The following LIMA1 variants were observed in gnomAD, a reference collection of about 807,000 sequenced individuals.
The protein encoded by LIMA1 is LIM domain and actin-binding protein 1.
A neutral mutation model predicts 62.6 loss-of-function variants in LIMA1; 52 were observed. The observed-to-expected ratio is 0.83, with a 90% CI of 0.67 to 1.05. The LOEUF (loss-of-function observed/expected upper bound fraction) is 1.05. Ranked by LOEUF, LIMA1 falls within the 50% of genes least tolerant of loss-of-function variation. The pLI, the probability that LIMA1 is intolerant of heterozygous loss-of-function variation, is 0.00. For missense variants in LIMA1, 780 were observed against 902.2 expected (o/e 0.86, Z 1.74); for synonymous variants, 302 against 317.8 (o/e 0.95, Z 0.53).
intron 1 of LIMA1, among the ~76,000 whole-genome samples, chr12:50,267,845 G>A (rs1471825662): frequency 1.3e-5 from 2 of 151,888 alleles, no homozygotes; most frequent in Admixed American, 6.6e-5. Context: ...GGTGAAGAAT[G>A]AGGTCTCACT....
intron 9 of LIMA1, among the ~76,000 whole-genome samples, chr12:50,192,250 C>G (rs544039249): frequency 6.6e-6 from 1 of 152,076 alleles, no homozygotes; most frequent in Non-Finnish European, 1.5e-5. Context: ...CATTAGTGAG[C>G]CTTCTCGCTC....
chr12:50,246,332 G>A (rs1037862085), intron 2 of LIMA1, among the ~76,000 whole-genome samples: 1 of 152,058 alleles, frequency 6.6e-6, no homozygotes, highest in Non-Finnish European at 1.5e-5. Flanking sequence ...AAAGACAGGT[G>A]GGGCTAAGGA....
Position 50,222,385 on chromosome 12 carries a change from G to GA in LIMA1, c.265dup (p.Ser89PhefsTer8), listed in dbSNP as rs779090076. On this transcript the variant is annotated frameshift_variant, in exon 4 of 11. Transcript: ENST00000341247. LOFTEE classifies it high-confidence loss of function. ...AATCTCAGTGCTGCTGTTCCGTAGA[G>GA]AGTCTGTGTGAGACTCTGCTCCCAG... 1.2e-5 allele frequency: 19 copies of GA among 1,614,030 alleles called. No individual in the cohort carries two copies. Among genetic ancestry groups the GA allele is most frequent in the Non-Finnish European group, 1.6e-5 (19 of 1,180,026 alleles).
At chr12:50,223,597 T>G (rs1211373894) in intron 3 of LIMA1, among the ~76,000 whole-genome samples, 1 of 152,172 alleles carries the variant, frequency 6.6e-6, no homozygotes, top group Non-Finnish European at 1.5e-5. Context: ...ATCACTCAGA[T>G]GATCAAAGGA....
intron 4 of LIMA1, among the ~76,000 whole-genome samples, chr12:50,214,533 G>A (rs1373014756): frequency 1.3e-5 from 2 of 152,240 alleles, no homozygotes; most frequent in African/African-American, 4.8e-5. Flanking sequence ...ATTTGGCTGG[G>A]CGCAGTGGCT....
chr12:50,203,859 T>A (rs1252283157), intron 6 of LIMA1, among the ~76,000 whole-genome samples: 1 of 152,196 alleles, frequency 6.6e-6, no homozygotes, highest in Non-Finnish European at 1.5e-5. Context: ...CTCCTTCATA[T>A]GAAATTTCCA....
At chr12:50,221,886 ATTAAC>A in intron 4 of LIMA1, 130 bp downstream of exon 4, 1 of 696,624 alleles carries the variant, frequency 1.4e-6, no homozygotes, top group Non-Finnish European at 2.4e-6. Context: ...ATTTGAGACT[ATTAAC>A]TTATCTAACT....
chr12:50,230,421 T>C (rs1941592820), intron 3 of LIMA1, among the ~76,000 whole-genome samples: 1 of 151,966 alleles, frequency 6.6e-6, no homozygotes, highest in African/African-American at 2.4e-5. Flanking sequence ...GCTTGGCATG[T>C]AGTAGGTGCT....
chr12:50,263,853 GAGAGTA>G (rs1162518276), intron 1 of LIMA1, among the ~76,000 whole-genome samples: 9 of 99,634 alleles, frequency 9.0e-5, no homozygotes, highest in African/African-American at 2.0e-4. Context: ...TATATATATA[GAGAGTA>G]TATATATATA....
intron 8 of LIMA1, among the ~76,000 whole-genome samples, chr12:50,193,976 T>C (rs1434503601): frequency 8.9e-6 from 1 of 112,468 alleles, no homozygotes; most frequent in Admixed American, 1.0e-4. Context: ...AACATATATA[T>C]ACATATATAT....
rs1341490500 is a variant in LIMA1, at chr12:50,178,520, G to A, written c.1275-451C>T. ...TGAGATTGTGCCACTGTGATAGAGC[G>A]AGACTGTCTTAAAAAAAAAAAAAAA... is the stretch of plus-strand genomic sequence containing the variant. On this transcript the variant is annotated intron_variant, in intron 10 of 10. Coordinates refer to ENST00000341247, the MANE Select transcript of LIMA1 (RefSeq NM_016357.5). Among the ~76,000 whole-genome samples the A allele has an allele frequency of 2.0e-5, 3 of 148,264 alleles. No individual in the cohort carries two copies. In the Admixed American group the frequency reaches 2.0e-4, roughly 10 times the overall value.
chr12:50,276,763 G>C (rs1008203516), intron 1 of LIMA1, among the ~76,000 whole-genome samples: 1 of 152,032 alleles, frequency 6.6e-6, no homozygotes, highest in Non-Finnish European at 1.5e-5. Flanking sequence ...CCAGCTACTT[G>C]GGAGGCTGAG....
At chr12:50,200,131 A>G (rs1941014178) in intron 7 of LIMA1, among the ~76,000 whole-genome samples, 1 of 152,034 alleles carries the variant, frequency 6.6e-6, no homozygotes, top group South Asian at 2.1e-4. Context: ...TCGACCTCAG[A>G]TGATCTGCCT....
Position 50,283,497 on chromosome 12 carries a change from G to T in LIMA1, c.-101C>A, listed in dbSNP as rs767068312. On this transcript the variant is annotated 5_prime_UTR_variant, in exon 1 of 11. Transcript: ENST00000341247. ...CGGCGCTCTACCTAGCGCACCTGTC[G>T]CGACCAAGCTGCTAACACCTACTGC... 6.6e-6 allele frequency: 1 copy of T among 152,192 alleles called. No homozygotes were observed. Among genetic ancestry groups the T allele is most frequent in the South Asian group, 2.1e-4 (1 of 4,830 alleles). 9.4% of individuals were successfully genotyped at this position (152,192 alleles called of 1,614,324 possible).
rs189899966 is a variant in LIMA1 at position 50,179,866 on chromosome 12, C to T, written c.1275-1797G>A. On this transcript the variant is annotated intron_variant, in intron 10 of 10. Coordinates refer to ENST00000341247, the MANE Select transcript of LIMA1 (RefSeq NM_016357.5). ...AGTGATCCTCCAGCCTCAGTCTCAG[C>T]CTCCCCAAATTTTTCATAGAGATGG... is the stretch of plus-strand genomic sequence containing the variant. Among the ~76,000 whole-genome samples the T allele has an allele frequency of 1.1e-4, 17 of 151,810 alleles. 1 individual carries two copies. The highest frequency in any genetic ancestry group is 2.4e-5 in the African/African-American group (1 of 41,346).
intron 1 of LIMA1, among the ~76,000 whole-genome samples, chr12:50,256,675 GT>G (rs1036153411): frequency 6.6e-6 from 1 of 152,072 alleles, no homozygotes; most frequent in Non-Finnish European, 1.5e-5. Context: ...TATGTAGAAT[GT>G]TCCTCAATTT....
chr12:50,177,756 T>A lies in LIMA1; in HGVS notation c.1588A>T (p.Ile530Phe). ...AGTTCAGTGGGGGGTGGCCAGGCGA[T>A]CCTCAGCTTCTTGGTTTCAGCTGGC... ...DKPAETKKLR[I>F]AWPPPTELGS... Residue 530 changes from isoleucine (I) to phenylalanine (F), a missense_variant, in exon 11 of 11, where the codon ATC becomes TTC. Ile to Phe is a conservative substitution (Grantham distance 21). Coordinates refer to ENST00000341247, the MANE Select transcript of LIMA1 (RefSeq NM_016357.5). The A allele has an allele frequency of 1.2e-6, 2 of 1,614,158 alleles. No homozygotes were observed.
chr12:50,240,827 T>C (rs1467278672), intron 2 of LIMA1, among the ~76,000 whole-genome samples: 1 of 152,050 alleles, frequency 6.6e-6, no homozygotes, highest in Admixed American at 6.6e-5. Flanking sequence ...AAGCAGTGTG[T>C]AGTGTGAGAA....
intron 2 of LIMA1, among the ~76,000 whole-genome samples, chr12:50,244,360 C>A (rs1941818901): frequency 1.3e-5 from 2 of 152,186 alleles, no homozygotes. Context: ...GCCTCAGCCT[C>A]CCAAAGTACT....
Sources: allele counts gnomAD v4.1 joint callset (sites outside exome capture counted in the v4.1 genomes callset), GRCh38; gene constraint gnomAD v4.1.1; transcripts MANE v1.5; gene names NCBI Gene and HGNC (gene_info 2026-07-23, HGNC 2026-07-21).